Variants in GRIA1 observed in about 807,000 individuals in gnomAD.
The protein encoded by GRIA1 is glutamate receptor 1.
GRIA1 carries 31 observed loss-of-function variants against 99.2 expected under a neutral mutation model. The observed-to-expected ratio is 0.31, with a 90% CI of 0.23 to 0.42. The LOEUF (loss-of-function observed/expected upper bound fraction) is 0.42, where lower values mean the gene tolerates loss of function less well. Among genes scored for constraint, GRIA1 ranks in the 10% least tolerant of loss-of-function variants. The pLI, the probability that GRIA1 is intolerant of heterozygous loss-of-function variation, is 1.00. For missense variants in GRIA1, 782 were observed against 1,157.5 expected (o/e 0.68, Z 4.71); for synonymous variants, 438 against 432.4 (o/e 1.01, Z -0.16).
At chr5:153,711,980 G>C (rs764732280) in intron 11 of GRIA1, among the ~76,000 whole-genome samples, 3 of 152,150 alleles carry the variant, frequency 2.0e-5, no homozygotes, top group Non-Finnish European at 2.9e-5. Context: ...AGTCTAAGGC[G>C]GGGGGAGTGA....
At chr5:153,663,745 C>T (rs1321526222) in intron 5 of GRIA1, among the ~76,000 whole-genome samples, 2 of 152,186 alleles carry the variant, frequency 1.3e-5, no homozygotes, top group Non-Finnish European at 2.9e-5. Context: ...AACAATCTTC[C>T]TGCCTGTGTG....
chr5:153,579,996 T>C lies in GRIA1; in HGVS notation c.221-66932T>C, dbSNP rs1462603152. Reference sequence around the variant, plus strand: ...ATTTGATCCATGTAGCCTAGCCCTCTTCCCTCATGTCACATACAGGGAAAC... The same window carrying C: ...ATTTGATCCATGTAGCCTAGCCCTCCTCCCTCATGTCACATACAGGGAAAC... On this transcript the variant is annotated intron_variant, in intron 2 of 15. Transcript: ENST00000285900. Among the ~76,000 whole-genome samples, 10 of 152,208 alleles carry C rather than the reference T, an allele frequency of 6.6e-5. No homozygotes were observed. In the East Asian group the frequency reaches 1.9e-3, roughly 29 times the overall value.
chr5:153,610,532 A>G (rs1429957879), intron 2 of GRIA1, among the ~76,000 whole-genome samples: 1 of 152,208 alleles, frequency 6.6e-6, no homozygotes, highest in Non-Finnish European at 1.5e-5. Flanking sequence ...TCAAGGAAGA[A>G]TTTCTGAGTA....
At chr5:153,594,011 T>G (rs1361810060) in intron 2 of GRIA1, among the ~76,000 whole-genome samples, 1 of 152,244 alleles carries the variant, frequency 6.6e-6, no homozygotes, top group Non-Finnish European at 1.5e-5. Flanking sequence ...GAAATAATTT[T>G]TATTCAGAAT....
chr5:153,632,741 G>A (rs1245539690), intron 2 of GRIA1, among the ~76,000 whole-genome samples: 1 of 152,118 alleles, frequency 6.6e-6, no homozygotes, highest in African/African-American at 2.4e-5. Flanking sequence ...TCAGGGACAG[G>A]CCCTGAGACT....
At chr5:153,698,497 A>G (rs1279510983) in intron 9 of GRIA1, among the ~76,000 whole-genome samples, 1 of 152,192 alleles carries the variant, frequency 6.6e-6, no homozygotes, top group East Asian at 1.9e-4. Context: ...TACATAAAGT[A>G]GCTGTAAGTG....
intron 2 of GRIA1, among the ~76,000 whole-genome samples, chr5:153,592,016 C>T (rs1051849929): frequency 2.0e-5 from 3 of 151,924 alleles, no homozygotes; most frequent in South Asian, 2.1e-4. Flanking sequence ...AAAAACATCT[C>T]GGGCTTTATT....
At chr5:153,709,509 G>A (rs1249660654) in intron 11 of GRIA1, among the ~76,000 whole-genome samples, 1 of 152,132 alleles carries the variant, frequency 6.6e-6, no homozygotes, top group Non-Finnish European at 1.5e-5. Flanking sequence ...ATCAAAACCT[G>A]ACCATAGTAA....
chr5:153,641,925 C>T (rs1263030850), intron 2 of GRIA1, among the ~76,000 whole-genome samples: 1 of 152,146 alleles, frequency 6.6e-6, no homozygotes, highest in East Asian at 1.9e-4. Flanking sequence ...TGGGGATGGG[C>T]TGGTTTACCA....
intron 10 of GRIA1, among the ~76,000 whole-genome samples, chr5:153,700,137 C>T (rs1758412795): frequency 6.6e-6 from 1 of 152,212 alleles, no homozygotes; most frequent in South Asian, 2.1e-4. Context: ...ATAATCCCAG[C>T]ACCTTGGGAG....
At position 153,559,559 on chromosome 5, in the gene GRIA1, C is replaced by T. The variant is rs145325686; in HGVS notation, c.220+65494C>T. On this transcript the variant is annotated intron_variant, in intron 2 of 15. Transcript: ENST00000285900. ...AAATATATAAACCATAATATAGCTG[C>T]TTATTATCAAGTATCATGCACTGTA... is the stretch of plus-strand genomic sequence containing the variant. Among the ~76,000 whole-genome samples, 368 of 152,248 alleles carry T rather than the reference C, an allele frequency of 2.4e-3. 2 individuals carry two copies. The highest frequency in any genetic ancestry group is 8.4e-3 in the African/African-American group (349 of 41,540).
At chr5:153,755,122 G>T (rs942609323) in intron 11 of GRIA1, among the ~76,000 whole-genome samples, 4 of 152,196 alleles carry the variant, frequency 2.6e-5, no homozygotes, top group Middle Eastern at 3.2e-3. Flanking sequence ...ATGTTGCTGG[G>T]TGACAATGGA....
rs1270282010 is a variant in GRIA1 at position 153,647,148 on chromosome 5, C to T, written c.441C>T (p.Tyr147=). ...ATTACAAGTGGCAGAAATTTGTCTA[C>T]ATTTATGATGCCGACCGGGGTAAGC... The part of the protein sequence containing the change: ...IDHYKWQKFV[Y]IYDADRGLSV... The change falls in exon 3 of 16, where the codon TAC becomes TAT. Residue 147 remains tyrosine (Y), a synonymous_variant. Transcript: ENST00000285900. 6.2e-6 allele frequency: 10 copies of T among 1,613,720 alleles called. No individual in the cohort carries two copies. The African/African-American group carries it at 1.3e-4, about 22-fold the overall frequency.
At position 153,490,844 on chromosome 5, in the gene GRIA1, C is replaced by G. The variant is rs758261854; in HGVS notation, c.-45C>G. The stretch of plus-strand genomic sequence containing the variant: ...AGGGAAAGGGGGGGAAACACCAAAT[C>G]TATGATTGGACCTGGGCTTCTTTTT... On this transcript the variant is annotated 5_prime_UTR_variant, in exon 1 of 16. It adds an upstream start codon to the 5' untranslated region. Transcript: ENST00000285900. 7.2e-7 allele frequency: 1 copy of G among 1,398,178 alleles called. No homozygotes were observed. Among genetic ancestry groups the G allele is most frequent in the South Asian group, 1.2e-5 (1 of 86,664 alleles). The allele number at this position is 1,398,178 out of a possible 1,614,324, so 86.6% of individuals were successfully genotyped here. A position where few individuals can be genotyped will look rare whatever the true frequency, so the allele number is the denominator to read the frequency against.
At chr5:153,782,309 CTA>C (rs1764685046) in intron 13 of GRIA1, among the ~76,000 whole-genome samples, 1 of 152,176 alleles carries the variant, frequency 6.6e-6, no homozygotes, top group South Asian at 2.1e-4. Flanking sequence ...AGTTCAGAGT[CTA>C]TGCTCTTATC....
chr5:153,734,251 C>T (rs1399658647), intron 11 of GRIA1, among the ~76,000 whole-genome samples: 1 of 152,164 alleles, frequency 6.6e-6, no homozygotes, highest in Non-Finnish European at 1.5e-5. Flanking sequence ...GCACCCAGTT[C>T]AGTGACCAGC....
chr5:153,669,096 C>A (rs1294320530), intron 5 of GRIA1, among the ~76,000 whole-genome samples: 1 of 152,190 alleles, frequency 6.6e-6, no homozygotes, highest in Non-Finnish European at 1.5e-5. Context: ...TGGATACTCA[C>A]TCACTCATTT....
chr5:153,783,484 T>C (rs2926854), intron 13 of GRIA1, among the ~76,000 whole-genome samples: 1 of 151,978 alleles, frequency 6.6e-6, no homozygotes, highest in Non-Finnish European at 1.5e-5. Flanking sequence ...GGCATCACAC[T>C]TGCCTTAGAA....
intron 8 of GRIA1, 56 bp downstream of exon 8, chr5:153,686,385 G>A: frequency 1.5e-6 from 2 of 1,327,140 alleles, no homozygotes; most frequent in Non-Finnish European, 2.2e-6. Context: ...CAGGGACTCT[G>A]GCCAGAGCTG....
Sources: gnomAD v4.1 joint callset for allele counts (sites outside exome capture counted in the v4.1 genomes callset) on GRCh38, gnomAD v4.1.1 for gene constraint, MANE v1.5 for transcripts, NCBI Gene and HGNC (gene_info 2026-07-23, HGNC 2026-07-21) for gene names.